SLC4A4: variants seen among roughly 807,000 people sequenced by gnomAD.
SLC4A4 encodes solute carrier family 4 member 4, also known as electrogenic sodium bicarbonate cotransporter 1.
Under a neutral mutation model 111.5 loss-of-function variants are expected in SLC4A4, and 27 were observed. The observed-to-expected ratio is 0.24, with a 90% CI of 0.18 to 0.33. SLC4A4 has a LOEUF of 0.33. Ranked by LOEUF, SLC4A4 falls within the 10% of genes least tolerant of loss-of-function variation. SLC4A4 has a pLI of 1.00. For missense variants in SLC4A4, 909 were observed against 1,315.5 expected (o/e 0.69, Z 4.78); for synonymous variants, 443 against 463.4 (o/e 0.96, Z 0.57).
At position 71,508,494 on chromosome 4, in the gene SLC4A4, C is replaced by T. The variant is rs868838921; in HGVS notation, c.2166+10802C>T. Among the ~76,000 whole-genome samples the T allele has an allele frequency of 2.6e-5, 4 of 152,148 alleles. No homozygotes were observed. The Middle Eastern group carries it at 0.01, about 388-fold the overall frequency. ...TAATATAAACACCTCTATGCACATA[C>T]ACTAGGAAGTCCAGAACAAATGGAT... On this transcript the variant is annotated intron_variant, in intron 16 of 25. Coordinates refer to ENST00000264485, the MANE Select transcript of SLC4A4 (RefSeq NM_001098484.3).
intron 1 of SLC4A4, among the ~76,000 whole-genome samples, chr4:71,212,560 C>A (rs1718196322): frequency 6.6e-6 from 1 of 152,252 alleles, no homozygotes; most frequent in South Asian, 2.1e-4. Context: ...AGGACAGAGG[C>A]ACAATGGGGT....
intron 1 of SLC4A4, among the ~76,000 whole-genome samples, chr4:71,222,458 C>G (rs1043141835): frequency 6.6e-5 from 10 of 152,234 alleles, no homozygotes; most frequent in African/African-American, 2.4e-4. Flanking sequence ...ATTGTAGTAT[C>G]AACTTTTAAC....
chr4:71,118,910 C>A (rs185601663), intron 2 of SLC4A4, among the ~76,000 whole-genome samples: 2 of 152,098 alleles, frequency 1.3e-5, no homozygotes, highest in Admixed American at 1.3e-4. Flanking sequence ...TGGAATGATT[C>A]ATGCAAAATG....
At chr4:71,233,249 A>G (rs1287728220) in intron 1 of SLC4A4, 1 of 984,552 alleles carries the variant, frequency 1.0e-6, no homozygotes, top group Non-Finnish European at 1.2e-6. Context: ...TACTGAATGA[A>G]TGAATGCAGG....
At chr4:71,397,459 G>T in intron 6 of SLC4A4, 118 bp from the exon 7 acceptor site, 1 of 891,856 alleles carries the variant, frequency 1.1e-6, no homozygotes. Context: ...ATCCTAGTGT[G>T]GTTAAAAGTA....
At chr4:71,094,979 CT>C (rs1742500877) in intron 2 of SLC4A4, among the ~76,000 whole-genome samples, 2 of 152,156 alleles carry the variant, frequency 1.3e-5, no homozygotes, top group African/African-American at 4.8e-5. Context: ...AATTAGACTT[CT>C]TTCAAATTGT....
chr4:71,427,674 A>G (rs1723269282), intron 7 of SLC4A4, among the ~76,000 whole-genome samples: 1 of 151,106 alleles, frequency 6.6e-6, no homozygotes, highest in Non-Finnish European at 1.5e-5. Context: ...AGATGATATT[A>G]TCTTCCTTCA....
chr4:71,355,581 T>TA (rs1260868888), intron 5 of SLC4A4, among the ~76,000 whole-genome samples: 1 of 152,196 alleles, frequency 6.6e-6, no homozygotes, highest in Non-Finnish European at 1.5e-5. Flanking sequence ...ATGTGACAGT[T>TA]ATGGCACCTC....
intron 3 of SLC4A4, among the ~76,000 whole-genome samples, chr4:71,268,087 T>TTTG (rs1722433808): frequency 6.8e-6 from 1 of 147,642 alleles, no homozygotes; most frequent in Admixed American, 6.8e-5. Flanking sequence ...TTTTTTTTTT[T>TTTG]TTTTTTTTTT....
chr4:71,222,054 G>T (rs1230990587), intron 1 of SLC4A4, among the ~76,000 whole-genome samples: 1 of 152,194 alleles, frequency 6.6e-6, no homozygotes, highest in African/African-American at 2.4e-5. Context: ...AAGACTATAA[G>T]CTCGAGGAAG....
intron 15 of SLC4A4, among the ~76,000 whole-genome samples, chr4:71,488,288 G>C (rs1255995561): frequency 1.3e-5 from 2 of 151,416 alleles, no homozygotes; most frequent in Non-Finnish European, 3.0e-5. Context: ...AACTAATCAA[G>C]GGAATCATTA....
At chr4:71,455,819 GAGA>G (rs912491245) in intron 12 of SLC4A4, among the ~76,000 whole-genome samples, 38 of 152,274 alleles carry the variant, frequency 2.5e-4, no homozygotes, top group African/African-American at 9.1e-4. Flanking sequence ...TCTGACTGTA[GAGA>G]AGAAGTCTGT....
intron 3 of SLC4A4, among the ~76,000 whole-genome samples, chr4:71,271,015 C>A (rs1054376609): frequency 8.5e-5 from 13 of 152,154 alleles, no homozygotes; most frequent in Non-Finnish European, 1.8e-4. Flanking sequence ...TTTTGGACAG[C>A]CTAGGTAAGC....
chr4:71,486,189 A>G (rs1285016707), intron 14 of SLC4A4, among the ~76,000 whole-genome samples: 3 of 151,580 alleles, frequency 2.0e-5, no homozygotes, highest in Non-Finnish European at 4.4e-5. Context: ...TTTATAATAC[A>G]TAAAGCTTTG....
chr4:71,326,976 G>C (rs1373213097), intron 3 of SLC4A4, among the ~76,000 whole-genome samples: 1 of 151,944 alleles, frequency 6.6e-6, no homozygotes, highest in Non-Finnish European at 1.5e-5. Context: ...TTTATACTTT[G>C]GTTTGAAAGC....
At chr4:71,226,211 G>A (rs574916975) in intron 1 of SLC4A4, among the ~76,000 whole-genome samples, 2 of 152,270 alleles carry the variant, frequency 1.3e-5, no homozygotes, top group East Asian at 3.9e-4. Flanking sequence ...AGGCACGATT[G>A]TAACGCACTA....
At chr4:71,448,149 G>A (rs535616120) in intron 9 of SLC4A4, among the ~76,000 whole-genome samples, 2 of 151,844 alleles carry the variant, frequency 1.3e-5, no homozygotes, top group South Asian at 4.2e-4. Context: ...GTGAAAACCC[G>A]TTTCTACTAA....
At chr4:71,375,126 A>G (rs933788582) in intron 6 of SLC4A4, among the ~76,000 whole-genome samples, 7 of 152,078 alleles carry the variant, frequency 4.6e-5, no homozygotes, top group African/African-American at 9.7e-5. Context: ...CTGATCCAGT[A>G]GCTTGTTTTC....
intron 1 of SLC4A4, among the ~76,000 whole-genome samples, chr4:71,213,652 A>G (rs113373807): frequency 7.9e-4 from 120 of 152,310 alleles, no homozygotes; most frequent in African/African-American, 2.8e-3. Context: ...ACCCCCACCC[A>G]GAGTCATAAG....
Sources: allele counts gnomAD v4.1 joint callset (sites outside exome capture counted in the v4.1 genomes callset), GRCh38; gene constraint gnomAD v4.1.1; transcripts MANE v1.5; gene names NCBI Gene and HGNC (gene_info 2026-07-23, HGNC 2026-07-21).